GRIA2: variants seen among roughly 807,000 people sequenced by gnomAD.
GRIA2 encodes the protein glutamate receptor 2.
GRIA2 carries 14 observed loss-of-function variants against 97.3 expected under a neutral mutation model. The ratio of observed to expected loss-of-function variants is 0.14; its 90% CI spans 0.10 to 0.23. The LOEUF (loss-of-function observed/expected upper bound fraction) is 0.23, where lower values mean the gene tolerates loss of function less well. Among genes scored for constraint, GRIA2 ranks in the 10% least tolerant of loss-of-function variants. The probability of loss-of-function intolerance (pLI) is 1.00; values close to 1 mark genes in which losing one functional copy is unlikely to be tolerated. For synonymous variants in GRIA2, 412 were observed against 387.8 expected, an observed-to-expected ratio of 1.06 and a Z score of -0.73; for missense variants, 558 against 1,069.8, an observed-to-expected ratio of 0.52 and a Z score of 6.67.
intron 2 of GRIA2, among the ~76,000 whole-genome samples, chr4:157,252,090 CA>C (rs567168617): frequency 2.3e-4 from 35 of 152,050 alleles, no homozygotes; most frequent in Non-Finnish European, 5.0e-4. Flanking sequence ...CAAAACAAAA[CA>C]AAACAATTTT....
chr4:157,290,206 C>T (rs1467727361), intron 2 of GRIA2, among the ~76,000 whole-genome samples: 1 of 151,740 alleles, frequency 6.6e-6, no homozygotes, highest in Non-Finnish European at 1.5e-5. Flanking sequence ...TGCAATTATA[C>T]AGCAATAATA....
At chr4:157,235,618 G>T (rs17243330) in intron 2 of GRIA2, among the ~76,000 whole-genome samples, 18,505 of 151,986 alleles carry the variant, frequency 0.12, 1,583 homozygotes, top group Non-Finnish European at 0.18. Flanking sequence ...CTGAAAACTT[G>T]GGTAGCCAAA....
intron 12 of GRIA2, among the ~76,000 whole-genome samples, chr4:157,353,783 T>G (rs1261674123): frequency 6.6e-6 from 1 of 152,184 alleles, no homozygotes; most frequent in East Asian, 1.9e-4. Context: ...AATTACATTA[T>G]TTTAGTGTTA....
intron 2 of GRIA2, among the ~76,000 whole-genome samples, chr4:157,262,432 A>G (rs924876709): frequency 3.9e-5 from 6 of 151,978 alleles, no homozygotes; most frequent in African/African-American, 1.4e-4. Flanking sequence ...TATTGGGCCA[A>G]TCTTAATAAC....
rs1410501410 is a variant in GRIA2, at chr4:157,356,207, A to ATTTATATATT, written c.2044-3688_2044-3687insTTATATATTT. ...TATTTATTTATATATATTTATATAT[A>ATTTATATATT]TATTTATATAGAGAGAGAGAGTTTA... On this transcript the variant is annotated intron_variant, in intron 12 of 15. Transcript: ENST00000264426. 1.6e-3 allele frequency among the ~76,000 whole-genome samples: 215 copies of ATTTATATATT among 133,632 alleles called. 3 individuals carry two copies. Among genetic ancestry groups the ATTTATATATT allele is most frequent in the African/African-American group, 4.8e-3 (173 of 35,674 alleles). The allele number at this position is 133,632 out of a possible 152,430, so 87.7% of individuals were successfully genotyped here.
chr4:157,232,033 AAC>A (rs932371825), intron 2 of GRIA2, among the ~76,000 whole-genome samples: 4 of 152,232 alleles, frequency 2.6e-5, no homozygotes, highest in Non-Finnish European at 5.9e-5. Flanking sequence ...TAAAATACGG[AAC>A]ACAGTGAGTA....
intron 2 of GRIA2, among the ~76,000 whole-genome samples, chr4:157,240,594 G>A (rs933158246): frequency 6.6e-6 from 1 of 151,782 alleles, no homozygotes; most frequent in African/African-American, 2.4e-5. Context: ...CCGTCAACTG[G>A]GACCTTCTCT....
intron 2 of GRIA2, among the ~76,000 whole-genome samples, chr4:157,258,955 G>A (rs971905537): frequency 5.3e-5 from 8 of 152,114 alleles, no homozygotes; most frequent in Non-Finnish European, 1.2e-4. Flanking sequence ...GGTGGCTCAT[G>A]CCTATAATCT....
intron 2 of GRIA2, among the ~76,000 whole-genome samples, chr4:157,243,317 TTAGAAATCTGA>T (rs1730587095): frequency 6.6e-6 from 1 of 152,128 alleles, no homozygotes; most frequent in African/African-American, 2.4e-5. Flanking sequence ...TTTATTTATT[TTAGAAATCTGA>T]TAGAGTTTAA....
chr4:157,362,709 T>A, intron 14 of GRIA2, 90 bp from the exon 15 acceptor site: 1 of 1,082,716 alleles, frequency 9.2e-7, no homozygotes, highest in East Asian at 2.4e-5. Context: ...GTGACTAGGT[T>A]GTTCCCGTGA....
At chr4:157,251,357 TC>T in intron 2 of GRIA2, among the ~76,000 whole-genome samples, 1 of 152,082 alleles carries the variant, frequency 6.6e-6, no homozygotes, top group East Asian at 1.9e-4. Context: ...AATACTAGTG[TC>T]CTGGAAAGGG....
chr4:157,302,333 ATAT>A (rs149998244), intron 2 of GRIA2, among the ~76,000 whole-genome samples: 3 of 152,314 alleles, frequency 2.0e-5, no homozygotes, highest in South Asian at 2.1e-4. Context: ...ATGTTTCAAA[ATAT>A]TATTCTTATT....
intron 12 of GRIA2, among the ~76,000 whole-genome samples, chr4:157,355,932 T>TATATATA (rs1560781147): frequency 3.4e-5 from 1 of 29,004 alleles, no homozygotes; most frequent in Non-Finnish European, 7.0e-5. Flanking sequence ...TTTATATATA[T>TATATATA]TTATATATTA....
At chr4:157,314,708 A>G (rs1734233585) in intron 4 of GRIA2, among the ~76,000 whole-genome samples, 1 of 152,174 alleles carries the variant, frequency 6.6e-6, no homozygotes, top group South Asian at 2.1e-4. Flanking sequence ...AGCAAACGGG[A>G]ATATATTGTA....
chr4:157,300,398 C>A (rs189776906), intron 2 of GRIA2, among the ~76,000 whole-genome samples: 3 of 152,060 alleles, frequency 2.0e-5, no homozygotes, highest in South Asian at 4.2e-4. Flanking sequence ...ACAAACGGGG[C>A]AAGCAAAGTA....
rs759399187 is a variant in GRIA2, at chr4:157,332,831, C to T, written c.895C>T (p.Leu299=). Residue 299 remains leucine, a synonymous_variant, in exon 7 of 16, where the codon CTG becomes TTG. Coordinates refer to ENST00000264426, the MANE Select transcript of GRIA2 (RefSeq NM_001083619.3). ...TGATCCTTTGCAGTATACTTCTGCT[C>T]TGACCTATGATGCCGTTCAAGTGAT... ...HTTTIKYTSA[L]TYDAVQVMTE... 6.2e-7 allele frequency: 1 copy of T among 1,611,818 alleles called. No homozygotes were observed. Among genetic ancestry groups the T allele is most frequent in the South Asian group, 1.1e-5 (1 of 90,948 alleles).
intron 2 of GRIA2, among the ~76,000 whole-genome samples, chr4:157,263,767 T>C (rs1276104232): frequency 6.6e-6 from 1 of 152,058 alleles, no homozygotes; most frequent in Non-Finnish European, 1.5e-5. Flanking sequence ...TTGCAATGAA[T>C]TCAATAGTTT....
At chr4:157,262,746 T>C in intron 2 of GRIA2, among the ~76,000 whole-genome samples, 1 of 152,054 alleles carries the variant, frequency 6.6e-6, no homozygotes, top group Non-Finnish European at 1.5e-5. Flanking sequence ...TTTAGCTCAA[T>C]TTCCCTCTCT....
At chr4:157,243,248 A>G (rs1350901222) in intron 2 of GRIA2, among the ~76,000 whole-genome samples, 1 of 152,158 alleles carries the variant, frequency 6.6e-6, no homozygotes, top group African/African-American at 2.4e-5. Context: ...TAATAAATCC[A>G]TAAAAAATGA....
Sources: gnomAD v4.1 joint callset for allele counts (sites outside exome capture counted in the v4.1 genomes callset) on GRCh38, gnomAD v4.1.1 for gene constraint, MANE v1.5 for transcripts, NCBI Gene and HGNC (gene_info 2026-07-23, HGNC 2026-07-21) for gene names.